The following TAF1B variants were observed in gnomAD, a reference collection of about 807,000 sequenced individuals.
The protein encoded by TAF1B is TATA-box binding protein associated factor, RNA polymerase I subunit B, also known as TATA box-binding protein-associated factor RNA polymerase I subunit B.
In TAF1B, 61 loss-of-function variants were observed where a neutral mutation model predicts 83.9. That is an observed-to-expected ratio of 0.73 (90% CI 0.59 to 0.90). The LOEUF (loss-of-function observed/expected upper bound fraction) is 0.90. Ranked by LOEUF, TAF1B falls within the 40% of genes least tolerant of loss-of-function variation. The pLI, the probability that TAF1B is intolerant of heterozygous loss-of-function variation, is 0.00. For synonymous variants in TAF1B, 221 were observed against 224.6 expected, an observed-to-expected ratio of 0.98 and a Z score of 0.14; for missense variants, 625 against 677.0, an observed-to-expected ratio of 0.92 and a Z score of 0.85.
intron 10 of TAF1B, among the ~76,000 whole-genome samples, 157 bp downstream of exon 10, chr2:9,911,070 ACT>A (rs1475529074): frequency 1.3e-5 from 2 of 152,174 alleles, no homozygotes; most frequent in South Asian, 2.1e-4. Context: ...AAAAATGGAG[ACT>A]CTCAATTGTT....
At chr2:9,887,447 G>A (rs1424785631) in intron 8 of TAF1B, among the ~76,000 whole-genome samples, 1 of 152,058 alleles carries the variant, frequency 6.6e-6, no homozygotes. Context: ...AACATTTACA[G>A]TATTTTGTCT....
chr2:9,866,508 C>G (rs1663980676), intron 5 of TAF1B, among the ~76,000 whole-genome samples: 1 of 152,066 alleles, frequency 6.6e-6, no homozygotes, highest in South Asian at 2.1e-4. Context: ...CTAGTTCAAC[C>G]ATTGTGGAAG....
At chr2:9,844,798 A>G (rs1211391430) in intron 1 of TAF1B, among the ~76,000 whole-genome samples, 1 of 152,184 alleles carries the variant, frequency 6.6e-6, no homozygotes, top group Non-Finnish European at 1.5e-5. Context: ...GAGTGAATAA[A>G]TCGAAACTTG....
Position 9,843,480 on chromosome 2 carries a change from C to A in TAF1B, c.-62C>A. 1 of 1,514,790 alleles carries A rather than the reference C, an allele frequency of 6.6e-7. No homozygotes were observed. Among genetic ancestry groups the A allele is most frequent in the Non-Finnish European group, 8.9e-7 (1 of 1,125,440 alleles). The allele number at this position is 1,514,790 out of a possible 1,614,324, so 93.8% of individuals were successfully genotyped here. A position where few individuals can be genotyped will look rare whatever the true frequency, so the allele number is the denominator to read the frequency against. ...GGCCGGAAGCTTCTCCAGCCTTTCC[C>A]GGAAGCTGCGCTCGCTACCCGGGTA... On this transcript the variant is annotated 5_prime_UTR_variant, in exon 1 of 15. Coordinates refer to ENST00000263663, the MANE Select transcript of TAF1B (RefSeq NM_005680.3).
chr2:9,895,270 C>T (rs1292898690), intron 8 of TAF1B, among the ~76,000 whole-genome samples: 1 of 152,166 alleles, frequency 6.6e-6, no homozygotes, highest in Non-Finnish European at 1.5e-5. Context: ...GAAGCTGAGG[C>T]GGGAGTATCC....
intron 6 of TAF1B, among the ~76,000 whole-genome samples, chr2:9,874,763 A>T (rs1381938794): frequency 6.6e-6 from 1 of 152,162 alleles, no homozygotes; most frequent in East Asian, 1.9e-4. Flanking sequence ...AGGATACCTG[A>T]AAGATGGGGA....
Position 9,849,306 on chromosome 2 carries a change from T to C in TAF1B, c.118-67T>C, listed in dbSNP as rs536920733. ...TTGGTTTATTATACTTTCCAGAAAA[T>C]ACCTGGAAAAATGCTTAGGGGGATG... On this transcript the variant is annotated intron_variant, in intron 2 of 14. Transcript: ENST00000263663. 5.9e-5 allele frequency: 74 copies of C among 1,257,992 alleles called. No individual in the cohort carries two copies. In the African/African-American group the frequency reaches 1.0e-3, roughly 18 times the overall value. 77.9% of individuals were successfully genotyped at this position (1,257,992 alleles called of 1,614,324 possible). A position where few individuals can be genotyped will look rare whatever the true frequency, so the allele number is the denominator to read the frequency against.
In TAF1B at chr2:9,851,544, A is replaced by G. The variant is rs1164484630; in HGVS notation, c.209A>G (p.Lys70Arg). The G allele has an allele frequency of 6.3e-7, 1 of 1,595,514 alleles. No individual in the cohort carries two copies. Among genetic ancestry groups the G allele is most frequent in the South Asian group, 1.2e-5 (1 of 85,970 alleles). ...RGLKKKNNTE[K>R]GWDWYVCEGF... is the part of the protein sequence containing the mutation. ...AAACATGCTATTTGTCATTTAGAAA[A>G]AGGCTGGGATTGGTATGTGTGTGAA... The change falls in exon 4 of 15, where the codon AAA (lysine) becomes AGA (arginine). Residue 70 changes from lysine (K) to arginine (R), a missense_variant. Coordinates refer to ENST00000263663, the MANE Select transcript of TAF1B (RefSeq NM_005680.3).
chr2:9,846,382 G>A (rs1017594750), intron 2 of TAF1B, among the ~76,000 whole-genome samples: 7 of 152,174 alleles, frequency 4.6e-5, no homozygotes, highest in African/African-American at 1.7e-4. Flanking sequence ...CTGCTGGACA[G>A]GCTAAATGTG....
intron 8 of TAF1B, among the ~76,000 whole-genome samples, chr2:9,892,965 G>A (rs943863103): frequency 2.0e-5 from 3 of 152,096 alleles, no homozygotes; most frequent in Non-Finnish European, 4.4e-5. Context: ...AAGGGACAGG[G>A]TAAAAAAGCA....
chr2:9,898,761 A>G (rs412039), intron 8 of TAF1B, among the ~76,000 whole-genome samples: 42,427 of 152,072 alleles, frequency 0.28, 6,895 homozygotes, highest in Middle Eastern at 0.4. Flanking sequence ...GTGTATTTAT[A>G]AGAGGTTTCG....
At chr2:9,909,673 G>C (rs537543977) in intron 9 of TAF1B, among the ~76,000 whole-genome samples, 2 of 152,318 alleles carry the variant, frequency 1.3e-5, no homozygotes, top group East Asian at 3.9e-4. Flanking sequence ...CGGGAAGAAA[G>C]GGGATGGATT....
At chr2:9,846,732 T>G (rs1278350004) in intron 2 of TAF1B, among the ~76,000 whole-genome samples, 1 of 152,244 alleles carries the variant, frequency 6.6e-6, no homozygotes, top group Non-Finnish European at 1.5e-5. Context: ...CTGCTTCCTG[T>G]TTAGTCATAC....
chr2:9,921,620 A>G (rs952363321), intron 14 of TAF1B, among the ~76,000 whole-genome samples: 9 of 152,244 alleles, frequency 5.9e-5, no homozygotes, highest in African/African-American at 2.2e-4. Context: ...TTTTAATAAG[A>G]GTATGTTTTC....
chr2:9,875,793 A>AT, intron 6 of TAF1B, 72 bp from the exon 7 acceptor site: 1 of 1,468,050 alleles, frequency 6.8e-7, no homozygotes, highest in South Asian at 1.4e-5. Flanking sequence ...GCCTGTTTAG[A>AT]TTTTTTGCTG....
At chr2:9,898,340 G>A (rs767864349) in intron 8 of TAF1B, among the ~76,000 whole-genome samples, 46 of 152,282 alleles carry the variant, frequency 3.0e-4, no homozygotes, top group African/African-American at 2.2e-4. Flanking sequence ...TGGAGATTAC[G>A]CTTTGAGCAG....
intron 5 of TAF1B, among the ~76,000 whole-genome samples, chr2:9,855,184 G>A (rs988280772): frequency 1.3e-5 from 2 of 152,204 alleles, no homozygotes; most frequent in Admixed American, 1.3e-4. Context: ...TAGTAGAGAT[G>A]TGGTTTCACC....
At chr2:9,890,240 G>GCTGT (rs765105775) in intron 8 of TAF1B, among the ~76,000 whole-genome samples, 34 of 152,282 alleles carry the variant, frequency 2.2e-4, no homozygotes, top group Non-Finnish European at 4.3e-4. Context: ...TAGTGTCCAT[G>GCTGT]CTGTCTGTTG....
intron 12 of TAF1B, among the ~76,000 whole-genome samples, chr2:9,915,735 C>G (rs769580591): frequency 6.6e-6 from 1 of 152,148 alleles, no homozygotes; most frequent in African/African-American, 2.4e-5. Flanking sequence ...GTTTTTCACT[C>G]CTAGATATTT....
Sources: gnomAD v4.1 joint callset for allele counts (sites outside exome capture counted in the v4.1 genomes callset) on GRCh38, gnomAD v4.1.1 for gene constraint, MANE v1.5 for transcripts, NCBI Gene and HGNC (gene_info 2026-07-23, HGNC 2026-07-21) for gene names.